Variants in TBC1D19 observed in about 807,000 individuals in gnomAD.
TBC1D19 encodes the protein TBC1 domain family member 19, also known as TBC1 domain family, member 19.
Under a neutral mutation model 89.0 loss-of-function variants are expected in TBC1D19, and 60 were observed. The observed-to-expected ratio is 0.67, with a 90% confidence interval of 0.55 to 0.84. The LOEUF is 0.84. Among genes scored for constraint, TBC1D19 ranks in the 40% least tolerant of loss-of-function variants. The pLI, the probability that TBC1D19 is intolerant of heterozygous loss-of-function variation, is 0.00. For missense variants in TBC1D19, 500 were observed against 610.8 expected (o/e 0.82, Z 1.91); for synonymous variants, 189 against 199.7 (o/e 0.95, Z 0.45).
chr4:26,807,377 A>G, the TBC1D19 span, among the ~76,000 whole-genome samples: 1 of 152,188 alleles, frequency 6.6e-6, no homozygotes, highest in Non-Finnish European at 1.5e-5. Context: ...CACTGGTTGG[A>G]TAGTTCTGAG....
downstream of TBC1D19, among the ~76,000 whole-genome samples, chr4:26,758,733 C>A (rs1719356833): frequency 6.6e-6 from 1 of 152,132 alleles, no homozygotes; most frequent in Non-Finnish European, 1.5e-5. Flanking sequence ...TACCTCTGGA[C>A]TATTTTTTTT....
At chr4:26,673,937 T>C in intron 11 of TBC1D19, 49 bp downstream of exon 11, 1 of 1,122,008 alleles carries the variant, frequency 8.9e-7, no homozygotes, top group Non-Finnish European at 1.3e-6. Flanking sequence ...GGGTATTTAT[T>C]TTTCAAAGAC....
the TBC1D19 span, among the ~76,000 whole-genome samples, chr4:26,798,678 C>T: frequency 1.3e-5 from 2 of 151,688 alleles, no homozygotes; most frequent in African/African-American, 2.4e-5. Context: ...GAAATATATA[C>T]CATGGAATAC....
chr4:26,798,072 G>A, the TBC1D19 span, among the ~76,000 whole-genome samples: 6 of 152,114 alleles, frequency 3.9e-5, no homozygotes, highest in Non-Finnish European at 8.8e-5. Context: ...AAATGCTTTT[G>A]CATAACAAAA....
chr4:26,655,364 C>T (rs1325547911), intron 7 of TBC1D19, among the ~76,000 whole-genome samples: 3 of 152,212 alleles, frequency 2.0e-5, no homozygotes, highest in Admixed American at 6.5e-5. Context: ...AGATCTCAAG[C>T]TGCGTGCTGG....
chr4:26,830,426 A>T, the TBC1D19 span, among the ~76,000 whole-genome samples: 1 of 152,044 alleles, frequency 6.6e-6, no homozygotes, highest in African/African-American at 2.4e-5. Flanking sequence ...GCACACTACT[A>T]GTGGGGAGAT....
chr4:26,826,345 A>G, the TBC1D19 span, among the ~76,000 whole-genome samples: 1 of 152,206 alleles, frequency 6.6e-6, no homozygotes, highest in African/African-American at 2.4e-5. Context: ...GCTGCTGGAT[A>G]CATATTCAGT....
intron 13 of TBC1D19, among the ~76,000 whole-genome samples, chr4:26,691,108 C>T (rs377025211): frequency 1.3e-5 from 2 of 152,146 alleles, no homozygotes; most frequent in Non-Finnish European, 2.9e-5. Flanking sequence ...GAGGAAGTAA[C>T]GGTCACTGTG....
intron 13 of TBC1D19, among the ~76,000 whole-genome samples, chr4:26,702,913 T>C (rs1347749200): frequency 6.6e-6 from 1 of 152,214 alleles, no homozygotes; most frequent in Admixed American, 6.5e-5. Context: ...CTGCTATATG[T>C]TTGACTGTTT....
At chr4:26,850,783 T>A in the TBC1D19 span, among the ~76,000 whole-genome samples, 1 of 152,078 alleles carries the variant, frequency 6.6e-6, no homozygotes, top group African/African-American at 2.4e-5. Context: ...CAGTCTGTGG[T>A]ACTTTTATGC....
chr4:26,590,487 T>G (rs963358805), intron 1 of TBC1D19, among the ~76,000 whole-genome samples: 1 of 152,220 alleles, frequency 6.6e-6, no homozygotes, highest in Admixed American at 6.5e-5. Context: ...TGCCTCCCTT[T>G]TAAAATTTTA....
intron 13 of TBC1D19, among the ~76,000 whole-genome samples, chr4:26,706,950 T>C (rs144034347): frequency 5.7e-4 from 87 of 152,220 alleles, no homozygotes; most frequent in Non-Finnish European, 1.0e-3. Context: ...ACCTAATATA[T>C]GATCTATCTG....
chr4:26,757,401 C>T (rs190866019), downstream of TBC1D19, among the ~76,000 whole-genome samples: 2 of 152,284 alleles, frequency 1.3e-5, no homozygotes, highest in Non-Finnish European at 2.9e-5. Context: ...CTCCTTCCAA[C>T]CCCTGACACC....
chr4:26,706,743 T>A (rs1577964433), intron 13 of TBC1D19, among the ~76,000 whole-genome samples: 1 of 152,118 alleles, frequency 6.6e-6, no homozygotes, highest in Non-Finnish European at 1.5e-5. Context: ...TTGCCATTTG[T>A]CTCTAAGTAT....
the TBC1D19 span, among the ~76,000 whole-genome samples, chr4:26,801,823 A>G: frequency 6.6e-6 from 1 of 152,214 alleles, no homozygotes; most frequent in African/African-American, 2.4e-5. Flanking sequence ...AAAGAGGTTC[A>G]AATTCATGTG....
upstream of TBC1D19, among the ~76,000 whole-genome samples, chr4:26,580,219 A>C (rs1476151031): frequency 6.6e-6 from 1 of 152,188 alleles, no homozygotes; most frequent in South Asian, 2.1e-4. Flanking sequence ...GGATTCAGAA[A>C]AGAGGTATGA....
At chr4:26,653,430 T>C (rs547496750) in intron 7 of TBC1D19, among the ~76,000 whole-genome samples, 14 of 152,314 alleles carry the variant, frequency 9.2e-5, no homozygotes, top group African/African-American at 3.1e-4. Flanking sequence ...GATATCCTTG[T>C]TAACGTTCTG....
At chr4:26,671,321 TTCAGG>T (rs1712283551) in intron 9 of TBC1D19, among the ~76,000 whole-genome samples, 1 of 151,780 alleles carries the variant, frequency 6.6e-6, no homozygotes, top group Non-Finnish European at 1.5e-5. Context: ...TTATTGGTCC[TTCAGG>T]TCACTCCTTT....
At chr4:26,706,009 C>T (rs1255006219) in intron 13 of TBC1D19, among the ~76,000 whole-genome samples, 1 of 152,038 alleles carries the variant, frequency 6.6e-6, no homozygotes, top group Non-Finnish European at 1.5e-5. Flanking sequence ...GACTCCTGGC[C>T]TCAAGCAATT....
Sources: allele counts gnomAD v4.1 joint callset (sites outside exome capture counted in the v4.1 genomes callset), GRCh38; gene constraint gnomAD v4.1.1; transcripts MANE v1.5; gene names NCBI Gene and HGNC (gene_info 2026-07-23, HGNC 2026-07-21).